CDH18: variants seen among roughly 807,000 people sequenced by gnomAD.
CDH18 encodes the protein cadherin-18.
CDH18 carries 31 observed loss-of-function variants against 67.9 expected under a neutral mutation model. That is an observed-to-expected ratio of 0.46 (90% CI 0.34 to 0.62). CDH18 has a LOEUF of 0.62. Among genes scored for constraint, CDH18 ranks in the 20% least tolerant of loss-of-function variants. The probability of loss-of-function intolerance (pLI) is 0.01; values close to 1 mark genes in which losing one functional copy is unlikely to be tolerated. For missense variants in CDH18, 890 were observed against 975.5 expected, an observed-to-expected ratio of 0.91 and a Z score of 1.17; for synonymous variants, 362 against 347.2, an observed-to-expected ratio of 1.04 and a Z score of -0.48.
chr5:19,575,891 T>C, intron 7 of CDH18, among the ~76,000 whole-genome samples: 1 of 152,122 alleles, frequency 6.6e-6, no homozygotes, highest in Non-Finnish European at 1.5e-5. Flanking sequence ...GATTGGACAC[T>C]CAATTTATAT....
chr5:19,960,465 CAT>C (rs772959763), intron 2 of CDH18, among the ~76,000 whole-genome samples: 1 of 151,436 alleles, frequency 6.6e-6, no homozygotes, highest in East Asian at 2.0e-4. Context: ...CAATAACACA[CAT>C]AGAACTGTCA....
intron 2 of CDH18, among the ~76,000 whole-genome samples, chr5:20,179,570 C>A (rs1476552622): frequency 1.3e-5 from 2 of 152,112 alleles, no homozygotes; most frequent in African/African-American, 4.8e-5. Context: ...GATCTTGAAA[C>A]AGGGACTGAT....
chr5:20,403,020 C>CAAA (rs11375333), intron 1 of CDH18, among the ~76,000 whole-genome samples: 15 of 144,152 alleles, frequency 1.0e-4, no homozygotes, highest in African/African-American at 1.8e-4. Context: ...ACTAAAAATA[C>CAAA]AAAAAAAAAA....
At chr5:19,995,348 CATT>C (rs1735922513) in intron 2 of CDH18, among the ~76,000 whole-genome samples, 2 of 151,862 alleles carry the variant, frequency 1.3e-5, no homozygotes, top group African/African-American at 2.4e-5. Context: ...GTTTTTTTAT[CATT>C]ATATATTTGC....
At chr5:19,609,931 T>C (rs1437688475) in intron 6 of CDH18, among the ~76,000 whole-genome samples, 2 of 152,064 alleles carry the variant, frequency 1.3e-5, no homozygotes, top group Non-Finnish European at 2.9e-5. Flanking sequence ...CTCCAAGCAG[T>C]TTACAATACT....
At chr5:19,780,570 C>T (rs1476118894) in intron 3 of CDH18, among the ~76,000 whole-genome samples, 1 of 152,074 alleles carries the variant, frequency 6.6e-6, no homozygotes, top group Admixed American at 6.6e-5. Context: ...CTTCTAGACA[C>T]TTTTGTTTCC....
At chr5:20,219,338 T>C (rs1259619129) in intron 2 of CDH18, among the ~76,000 whole-genome samples, 2 of 151,268 alleles carry the variant, frequency 1.3e-5, no homozygotes, top group African/African-American at 4.9e-5. Context: ...ACAATGAAAA[T>C]CTCCTAGCAA....
intron 1 of CDH18, among the ~76,000 whole-genome samples, chr5:20,354,893 GA>G (rs1741483459): frequency 6.6e-6 from 1 of 152,048 alleles, no homozygotes; most frequent in Non-Finnish European, 1.5e-5. Flanking sequence ...GTTACTTTAT[GA>G]TATCTACAAC....
intron 2 of CDH18, among the ~76,000 whole-genome samples, chr5:20,012,211 A>T (rs1737502323): frequency 6.6e-6 from 1 of 150,930 alleles, no homozygotes; most frequent in South Asian, 2.1e-4. Flanking sequence ...TAGATTTTCC[A>T]GTTTATGTGA....
intron 2 of CDH18, among the ~76,000 whole-genome samples, chr5:19,958,665 G>A (rs1045832486): frequency 1.3e-5 from 2 of 152,058 alleles, no homozygotes; most frequent in African/African-American, 4.8e-5. Context: ...GCCTGTTAGT[G>A]TCAGCCTGGG....
chr5:19,698,082 T>C (rs1180028936), intron 5 of CDH18, among the ~76,000 whole-genome samples: 2 of 152,184 alleles, frequency 1.3e-5, no homozygotes, highest in Non-Finnish European at 2.9e-5. Flanking sequence ...TATGCACCTA[T>C]CTTAGCAAAT....
At chr5:19,975,625 G>C (rs1453572620) in intron 2 of CDH18, among the ~76,000 whole-genome samples, 3 of 152,090 alleles carry the variant, frequency 2.0e-5, no homozygotes, top group African/African-American at 7.2e-5. Context: ...CTTTTTTGCT[G>C]TTGGTAATAA....
At chr5:19,759,603 C>A (rs1262233433) in intron 3 of CDH18, among the ~76,000 whole-genome samples, 1 of 152,182 alleles carries the variant, frequency 6.6e-6, no homozygotes, top group Non-Finnish European at 1.5e-5. Flanking sequence ...CCATAATCCC[C>A]TACTTTAACT....
At chr5:19,628,565 G>A (rs1007363327) in intron 5 of CDH18, among the ~76,000 whole-genome samples, 5 of 151,972 alleles carry the variant, frequency 3.3e-5, no homozygotes, top group African/African-American at 1.2e-4. Flanking sequence ...TGGTGTGAAA[G>A]GAAAACAGGA....
chr5:20,064,469 T>A (rs1488909226), intron 2 of CDH18, among the ~76,000 whole-genome samples: 1 of 152,160 alleles, frequency 6.6e-6, no homozygotes, highest in Non-Finnish European at 1.5e-5. Flanking sequence ...GAATGATGTG[T>A]TTCAACAACC....
chr5:20,009,332 A>T (rs1264561814), intron 2 of CDH18, among the ~76,000 whole-genome samples: 1 of 152,056 alleles, frequency 6.6e-6, no homozygotes, highest in Non-Finnish European at 1.5e-5. Context: ...TAATACATAC[A>T]TGATAGTGTA....
chr5:19,983,615 T>C (rs1248123629), intron 1 of CDH18, among the ~76,000 whole-genome samples: 1 of 152,188 alleles, frequency 6.6e-6, no homozygotes, highest in Non-Finnish European at 1.5e-5. Flanking sequence ...GGCTCAACAA[T>C]GTAGAAATTT....
chr5:19,671,596 AT>A (rs1229011166), intron 5 of CDH18, among the ~76,000 whole-genome samples: 1 of 152,138 alleles, frequency 6.6e-6, no homozygotes, highest in Non-Finnish European at 1.5e-5. Flanking sequence ...AGGTTACATC[AT>A]TTTGACATGG....
At chr5:20,159,218 T>C (rs1266112374) in intron 2 of CDH18, among the ~76,000 whole-genome samples, 1 of 152,150 alleles carries the variant, frequency 6.6e-6, no homozygotes, top group East Asian at 1.9e-4. Context: ...ATGGAATAAA[T>C]TGGTAATGCA....
Sources: gnomAD v4.1 joint callset for allele counts (sites outside exome capture counted in the v4.1 genomes callset) on GRCh38, gnomAD v4.1.1 for gene constraint, MANE v1.5 for transcripts, NCBI Gene and HGNC (gene_info 2026-07-23, HGNC 2026-07-21) for gene names.